Variants in NME9 observed in about 807,000 individuals in gnomAD.
NME9 encodes the protein NME/NM23 family member 9, also known as thioredoxin domain-containing protein 6.
NME9 carries 48 observed loss-of-function variants against 44.4 expected under a neutral mutation model. The ratio of observed to expected loss-of-function variants is 1.08; its 90% CI spans 0.86 to 1.37. The LOEUF (loss-of-function observed/expected upper bound fraction) is 1.37, where lower values mean the gene tolerates loss of function less well. Ranked by LOEUF, NME9 falls within the 40% of genes most tolerant of loss-of-function variation. The probability of loss-of-function intolerance (pLI) is 0.00; values close to 1 mark genes in which losing one functional copy is unlikely to be tolerated. For synonymous variants in NME9, 139 were observed against 147.1 expected, an observed-to-expected ratio of 0.94 and a Z score of 0.40; for missense variants, 325 against 405.2, an observed-to-expected ratio of 0.80 and a Z score of 1.70.
intron 8 of NME9, among the ~76,000 whole-genome samples, chr3:138,292,002 G>T (rs966506802): frequency 2.0e-5 from 3 of 152,070 alleles, no homozygotes; most frequent in African/African-American, 7.2e-5. Flanking sequence ...TATCTGATTT[G>T]AATTCCTTTT....
In NME9 at chr3:138,262,227, G is replaced by A. The variant is rs548167578; in HGVS notation, c.*313C>T. 9 of 242,814 alleles carry A rather than the reference G, an allele frequency of 3.7e-5. No individual in the cohort carries two copies. In the South Asian group the frequency reaches 7.0e-4, roughly 19 times the overall value. The allele number at this position is 242,814 out of a possible 1,614,324, so 15.0% of individuals were successfully genotyped here. Reference sequence around the variant, plus strand: ...GAGTCACAAAGAGTAGGTAGACTGAGAAAGGGAGGAATTTAGGGGCTAGAG... The same window carrying A: ...GAGTCACAAAGAGTAGGTAGACTGAAAAAGGGAGGAATTTAGGGGCTAGAG... On this transcript the variant is annotated 3_prime_UTR_variant, in exon 9 of 9. Transcript: ENST00000317876.
chr3:138,267,002 G>T (rs1355141676), intron 8 of NME9, among the ~76,000 whole-genome samples: 1 of 152,204 alleles, frequency 6.6e-6, no homozygotes, highest in African/African-American at 2.4e-5. Flanking sequence ...GGAAAAGTTT[G>T]ACACAGTATC....
chr3:138,286,954 TTTATCAACAA>T (rs2050488821), intron 8 of NME9, among the ~76,000 whole-genome samples: 1 of 152,210 alleles, frequency 6.6e-6, no homozygotes, highest in Non-Finnish European at 1.5e-5. Context: ...ATTCACTCAA[TTTATCAACAA>T]GTCCTATCTG....
chr3:138,294,088 A>G (rs6767873), intron 8 of NME9, among the ~76,000 whole-genome samples: 5,180 of 152,262 alleles, frequency 0.034, 306 homozygotes, highest in African/African-American at 0.12. Flanking sequence ...AATCAAACCT[A>G]GCCAACCTCT....
chr3:138,295,955 G>C, intron 8 of NME9: 2 of 1,562,830 alleles, frequency 1.3e-6, no homozygotes, highest in Non-Finnish European at 1.8e-6. Flanking sequence ...ACAGGAACCA[G>C]CCTCATTTGA....
chr3:138,293,391 TAGC>T (rs1055223655), intron 8 of NME9, among the ~76,000 whole-genome samples: 34 of 152,012 alleles, frequency 2.2e-4, no homozygotes, highest in African/African-American at 8.0e-4. Flanking sequence ...CTCCAAAAAT[TAGC>T]AGGGCATGGT....
At chr3:138,311,531 A>G (rs1577155124) in intron 6 of NME9, among the ~76,000 whole-genome samples, 10 of 152,286 alleles carry the variant, frequency 6.6e-5, no homozygotes, top group Admixed American at 5.9e-4. Context: ...ACACATCAAA[A>G]AGATCATTCA....
Position 138,275,216 on chromosome 3 carries a change from C to G in NME9, c.746-12630G>C, listed in dbSNP as rs182736681. On this transcript the variant is annotated intron_variant, in intron 8 of 8. Coordinates refer to the NME9 transcript ENST00000317876. ...CAGGACCAGAGATACTGGCGATCTT[C>G]AGTTTTTTGACATAGGTTTTGGCTA... 1.7e-3 allele frequency among the ~76,000 whole-genome samples: 258 copies of G among 152,330 alleles called. 3 individuals carry two copies. The highest frequency in any genetic ancestry group is 3.7e-4 in the Non-Finnish European group (25 of 68,020).
At chr3:138,309,522 TA>T (rs1198188786) in intron 6 of NME9, among the ~76,000 whole-genome samples, 2 of 150,812 alleles carry the variant, frequency 1.3e-5, no homozygotes, top group Non-Finnish European at 3.0e-5. Context: ...CTGTCTCTAC[TA>T]AAAATACAAA....
intron 9 of NME9, among the ~76,000 whole-genome samples, chr3:138,304,530 T>C (rs2052087573): frequency 6.6e-6 from 1 of 152,182 alleles, no homozygotes; most frequent in African/African-American, 2.4e-5. Context: ...AGTCTCTGAT[T>C]GACAGGCTTG....
intron 8 of NME9, among the ~76,000 whole-genome samples, chr3:138,265,356 C>G (rs1409622947): frequency 6.6e-6 from 1 of 152,198 alleles, no homozygotes; most frequent in Non-Finnish European, 1.5e-5. Context: ...CACTACAAAA[C>G]TTGGTCTTTG....
intron 8 of NME9, among the ~76,000 whole-genome samples, chr3:138,289,462 G>A (rs1185190761): frequency 6.6e-6 from 1 of 152,208 alleles, no homozygotes; most frequent in Non-Finnish European, 1.5e-5. Context: ...TGAGCCTTTC[G>A]TTTTGAGCAG....
At chr3:138,308,803 T>A (rs1050345760) in intron 6 of NME9, among the ~76,000 whole-genome samples, 1 of 152,136 alleles carries the variant, frequency 6.6e-6, no homozygotes, top group Non-Finnish European at 1.5e-5. Context: ...TTTGACACAG[T>A]ATGTTTGAAG....
At chr3:138,288,479 T>C (rs761920245) in intron 8 of NME9, among the ~76,000 whole-genome samples, 1 of 152,182 alleles carries the variant, frequency 6.6e-6, no homozygotes, top group Non-Finnish European at 1.5e-5. Context: ...CAGATGGTTT[T>C]TTAAATTTGA....
At position 138,315,604 on chromosome 3, in the gene NME9, G is replaced by A. The variant is rs1045049404; in HGVS notation, c.307C>T (p.Pro103Ser). ...LVAVVRGANA[P>S]LLQKTILDQL... is the part of the protein sequence containing the mutation. ...TCTAGGATGGTTTTCTGCAGCAGTG[G>A]GGCATTTGCTCCTCTAACCACAGCC... The change falls in exon 5 of 11, where the codon CCA (proline) becomes TCA (serine). Residue 103 changes from proline to serine, a missense_variant. Transcript: ENST00000333911. The A allele has an allele frequency of 1.3e-6, 2 of 1,536,478 alleles. No individual in the cohort carries two copies. The highest frequency in any genetic ancestry group is 1.7e-6 in the Non-Finnish European group (2 of 1,147,018).
intron 6 of NME9, among the ~76,000 whole-genome samples, chr3:138,309,305 A>AC (rs1396400350): frequency 1.7e-4 from 25 of 151,172 alleles, no homozygotes; most frequent in African/African-American, 4.1e-4. Context: ...TCTCAAACAA[A>AC]AAAAAAAAAA....
At chr3:138,318,077 T>G in intron 4 of NME9, 71 bp downstream of exon 4, 124 of 946,558 alleles carry the variant, frequency 1.3e-4, no homozygotes, top group Non-Finnish European at 2.0e-4. Context: ...TTAATGTCAG[T>G]GAGATGCTTC....
At chr3:138,264,472 T>A (rs916735285) in intron 8 of NME9, among the ~76,000 whole-genome samples, 4 of 128,834 alleles carry the variant, frequency 3.1e-5, no homozygotes, top group Non-Finnish European at 6.2e-5. Context: ...CAGGCTGGAG[T>A]GCAGTGGCAT....
intron 6 of NME9, among the ~76,000 whole-genome samples, chr3:138,309,539 G>A (rs540993634): frequency 6.6e-6 from 1 of 151,944 alleles, no homozygotes; most frequent in South Asian, 2.1e-4. Context: ...ACAAAAATTA[G>A]TTGGGCATGG....
Sources: gnomAD v4.1 joint callset for allele counts (sites outside exome capture counted in the v4.1 genomes callset) on GRCh38, gnomAD v4.1.1 for gene constraint, MANE v1.5 for transcripts, NCBI Gene and HGNC (gene_info 2026-07-23, HGNC 2026-07-21) for gene names.